PTPN3: variants seen among roughly 807,000 people sequenced by gnomAD.
The protein encoded by PTPN3 is tyrosine-protein phosphatase non-receptor type 3.
A neutral mutation model predicts 132.7 loss-of-function variants in PTPN3; 96 were observed. The observed-to-expected ratio is 0.72, with a 90% confidence interval of 0.61 to 0.86. The LOEUF is 0.86. Among genes scored for constraint, PTPN3 ranks in the 40% least tolerant of loss-of-function variants. PTPN3 has a pLI of 0.00. For synonymous variants in PTPN3, 398 were observed against 429.0 expected (o/e 0.93, Z 0.89); for missense variants, 1,125 against 1,159.6 (o/e 0.97, Z 0.43).
chr9:109,418,305 G>A (rs1460498517), intron 14 of PTPN3, among the ~76,000 whole-genome samples: 1 of 152,190 alleles, frequency 6.6e-6, no homozygotes, highest in African/African-American at 2.4e-5. Flanking sequence ...CGCTGGACTT[G>A]GGAATGAATG....
At chr9:109,408,521 C>T in intron 16 of PTPN3, 144 bp from the exon 17 acceptor site, 1 of 564,368 alleles carries the variant, frequency 1.8e-6, no homozygotes, top group Non-Finnish European at 3.1e-6. Context: ...TCAAACTTCA[C>T]TATGACTGAT....
At chr9:109,450,129 C>T in intron 5 of PTPN3, 1 of 984,536 alleles carries the variant, frequency 1.0e-6, no homozygotes. Context: ...GGCTAAAAAG[C>T]TTAGGATCCA....
chr9:109,502,927 T>G (rs1314151597), upstream of PTPN3, among the ~76,000 whole-genome samples: 2 of 152,228 alleles, frequency 1.3e-5, no homozygotes, highest in Non-Finnish European at 2.9e-5. Context: ...TGGTGGTGTG[T>G]CTGACTATTG....
chr9:109,519,478 C>T, the PTPN3 span, among the ~76,000 whole-genome samples: 50 of 152,248 alleles, frequency 3.3e-4, 1 homozygote, highest in South Asian at 3.3e-3. Flanking sequence ...CATCATAGGT[C>T]GAGGAGCATC....
intron 22 of PTPN3, among the ~76,000 whole-genome samples, chr9:109,385,779 C>T (rs1839533935): frequency 6.6e-6 from 1 of 152,206 alleles, no homozygotes; most frequent in Non-Finnish European, 1.5e-5. Context: ...CAACATGCTG[C>T]TGGGGACGAG....
intron 11 of PTPN3, among the ~76,000 whole-genome samples, chr9:109,427,813 G>T (rs1426781256): frequency 6.6e-6 from 1 of 152,128 alleles, no homozygotes; most frequent in Non-Finnish European, 1.5e-5. Context: ...TTGAAAAATT[G>T]GGAAATTGAC....
chr9:109,413,838 C>A (rs1842268563), intron 14 of PTPN3, among the ~76,000 whole-genome samples: 1 of 152,134 alleles, frequency 6.6e-6, no homozygotes, highest in Admixed American at 6.5e-5. Context: ...ACTGTAAAGG[C>A]AGCAGGCATC....
the PTPN3 span, among the ~76,000 whole-genome samples, chr9:109,513,459 C>A: frequency 5.9e-5 from 9 of 152,202 alleles, no homozygotes; most frequent in African/African-American, 1.7e-4. Flanking sequence ...CCTGTTCCCC[C>A]CCAGAACACC....
At chr9:109,523,234 C>A in the PTPN3 span, among the ~76,000 whole-genome samples, 1 of 151,966 alleles carries the variant, frequency 6.6e-6, no homozygotes, top group Non-Finnish European at 1.5e-5. Flanking sequence ...CCTGCCTCAG[C>A]CTCCCGAGTA....
At chr9:109,405,866 GT>G (rs1352706270) in intron 18 of PTPN3, among the ~76,000 whole-genome samples, 1 of 152,198 alleles carries the variant, frequency 6.6e-6, no homozygotes, top group Non-Finnish European at 1.5e-5. Flanking sequence ...GATTACAGGT[GT>G]GAGCCACTGT....
upstream of PTPN3, among the ~76,000 whole-genome samples, chr9:109,501,070 T>G (rs1847859166): frequency 6.6e-6 from 1 of 152,198 alleles, no homozygotes; most frequent in Non-Finnish European, 1.5e-5. Context: ...TTTTAAAAGT[T>G]TATTAATGTC....
chr9:109,490,241 C>T (rs772789249), intron 1 of PTPN3, among the ~76,000 whole-genome samples: 12 of 152,104 alleles, frequency 7.9e-5, no homozygotes, highest in Non-Finnish European at 1.5e-4. Context: ...CAGGGAAAGG[C>T]GTGGGGCTGG....
chr9:109,464,490 C>A (rs995070485), intron 1 of PTPN3, among the ~76,000 whole-genome samples: 8 of 152,118 alleles, frequency 5.3e-5, no homozygotes, highest in African/African-American at 1.7e-4. Context: ...AATCTGTACA[C>A]CAAATCTCCA....
chr9:109,431,464 C>T (rs1843659945), intron 10 of PTPN3, among the ~76,000 whole-genome samples: 1 of 152,222 alleles, frequency 6.6e-6, no homozygotes, highest in African/African-American at 2.4e-5. Context: ...CTCTGCTTAG[C>T]CTGATCTTAG....
At chr9:109,433,666 G>A (rs533542567) in intron 9 of PTPN3, among the ~76,000 whole-genome samples, 1 of 152,104 alleles carries the variant, frequency 6.6e-6, no homozygotes, top group South Asian at 2.1e-4. Flanking sequence ...AGCACTTTAC[G>A]AGGCCAAGGA....
chr9:109,533,778 G>A, the PTPN3 span: 8 of 1,266,832 alleles, frequency 6.3e-6, 1 homozygote, highest in Non-Finnish European at 8.9e-6. Flanking sequence ...TAGGGCCGGC[G>A]TGGTTGAGCC....
chr9:109,537,973 C>T, the PTPN3 span, among the ~76,000 whole-genome samples: 1 of 152,224 alleles, frequency 6.6e-6, no homozygotes, highest in African/African-American at 2.4e-5. Context: ...AAACTTTATT[C>T]ATATTCTACC....
chr9:109,410,855 A>G (rs1842021068), intron 14 of PTPN3, among the ~76,000 whole-genome samples: 1 of 152,166 alleles, frequency 6.6e-6, no homozygotes, highest in African/African-American at 2.4e-5. Flanking sequence ...TTGCCTCCTC[A>G]AAGGAAACAG....
At chr9:109,421,715 C>T (rs1588391595) in intron 13 of PTPN3, among the ~76,000 whole-genome samples, 1 of 152,236 alleles carries the variant, frequency 6.6e-6, no homozygotes, top group Non-Finnish European at 1.5e-5. Context: ...TATTCAGTTA[C>T]GTCATGATTT....
Sources: gnomAD v4.1 joint callset for allele counts (sites outside exome capture counted in the v4.1 genomes callset) on GRCh38, gnomAD v4.1.1 for gene constraint, MANE v1.5 for transcripts, NCBI Gene and HGNC (gene_info 2026-07-23, HGNC 2026-07-21) for gene names.